Variants in VAMP4 observed in about 807,000 individuals in gnomAD.
VAMP4 encodes vesicle associated membrane protein 4, also known as vesicle-associated membrane protein 4.
Under a neutral mutation model 23.5 loss-of-function variants are expected in VAMP4, and 19 were observed. The observed-to-expected ratio is 0.81, with a 90% CI of 0.56 to 1.19. The LOEUF is 1.19. Ranked by LOEUF, VAMP4 falls within the 50% of genes most tolerant of loss-of-function variation. The pLI is 0.00. For missense variants in VAMP4, 145 were observed against 168.6 expected, an observed-to-expected ratio of 0.86 and a Z score of 0.78; for synonymous variants, 31 against 51.0, an observed-to-expected ratio of 0.61 and a Z score of 1.67.
Position 171,728,511 on chromosome 1 carries a change from A to G in VAMP4, c.113+13T>C. 6.6e-7 allele frequency: 1 copy of G among 1,524,328 alleles called. No homozygotes were observed. The highest frequency in any genetic ancestry group is 8.8e-7 in the Non-Finnish European group (1 of 1,135,364). 94.4% of individuals were successfully genotyped at this position (1,524,328 alleles called of 1,614,324 possible). ...TCAATTACACCCTAATAAAGCTGTA[A>G]AAAAAAACTTACAGAAAAAAGTCCT... On this transcript the variant is annotated intron_variant, in intron 3 of 7. Coordinates refer to ENST00000236192, the MANE Select transcript of VAMP4 (RefSeq NM_003762.5).
intron 3 of VAMP4, among the ~76,000 whole-genome samples, chr1:171,720,974 T>G (rs1195509534): frequency 1.3e-5 from 2 of 152,086 alleles, no homozygotes; most frequent in Admixed American, 1.3e-4. Flanking sequence ...GATGACCAAG[T>G]AGGGTTCATA....
chr1:171,740,329 T>C (rs1655886606), intron 1 of VAMP4, among the ~76,000 whole-genome samples: 1 of 152,220 alleles, frequency 6.6e-6, no homozygotes, highest in Non-Finnish European at 1.5e-5. Context: ...CACTTAGACC[T>C]TTAAATTAGG....
intron 2 of VAMP4, among the ~76,000 whole-genome samples, chr1:171,734,390 C>T (rs555440305): frequency 6.7e-4 from 101 of 151,752 alleles, no homozygotes; most frequent in African/African-American, 2.2e-3. Context: ...ATTCCATTTA[C>T]AGAAAACGTC....
rs562207158 is a variant in VAMP4, at chr1:171,702,930, C to A, written c.*1576G>T. 36 of 151,892 alleles carry A rather than the reference C, an allele frequency of 2.4e-4. No individual in the cohort carries two copies. Among genetic ancestry groups the A allele is most frequent in the African/African-American group, 7.9e-4 (33 of 41,510 alleles). The allele number at this position is 151,892 out of a possible 1,614,324, so 9.4% of individuals were successfully genotyped here. A position where few individuals can be genotyped will look rare whatever the true frequency, so the allele number is the denominator to read the frequency against. On this transcript the variant is annotated 3_prime_UTR_variant, in exon 8 of 8. Coordinates refer to ENST00000236192, the MANE Select transcript of VAMP4 (RefSeq NM_003762.5). ...TCTTGAGTGTCTCAGTCTGCTTTCT[C>A]TCTTCAAATTTTTTCCATTCTAAAC...
At chr1:171,721,368 T>C (rs1259712473) in intron 3 of VAMP4, among the ~76,000 whole-genome samples, 1 of 152,134 alleles carries the variant, frequency 6.6e-6, no homozygotes, top group Non-Finnish European at 1.5e-5. Context: ...AAACTGTCTT[T>C]ATTTGCAGAA....
chr1:171,707,904 T>C (rs575174261), intron 6 of VAMP4, among the ~76,000 whole-genome samples: 1 of 152,254 alleles, frequency 6.6e-6, no homozygotes, highest in South Asian at 2.1e-4. Context: ...TTTTTGTGGA[T>C]ACATGAATAG....
At chr1:171,730,711 T>G (rs554144169) in intron 2 of VAMP4, among the ~76,000 whole-genome samples, 97 of 134,046 alleles carry the variant, frequency 7.2e-4, no homozygotes, top group African/African-American at 2.4e-3. Context: ...GAGTAAAGTA[T>G]CTAAACTGTG....
intron 3 of VAMP4, among the ~76,000 whole-genome samples, chr1:171,727,677 A>T (rs1437573737): frequency 6.6e-6 from 1 of 152,238 alleles, no homozygotes; most frequent in Non-Finnish European, 1.5e-5. Flanking sequence ...TGTAAAAGCC[A>T]AAAAGTAGAA....
rs1341181111 is a variant in VAMP4 at position 171,704,412 on chromosome 1, T to C, written c.*94A>G. The C allele has an allele frequency of 1.4e-5, 15 of 1,092,948 alleles. 1 individual carries two copies. The highest frequency in any genetic ancestry group is 1.6e-5 in the African/African-American group (1 of 61,272). The allele number at this position is 1,092,948 out of a possible 1,614,324, so 67.7% of individuals were successfully genotyped here. A position where few individuals can be genotyped will look rare whatever the true frequency, so the allele number is the denominator to read the frequency against. ...CTCTTAGTTTCTTGAAAAAGAAGTT[T>C]TGAAAGTTATATACACATAGGTTTC... On this transcript the variant is annotated 3_prime_UTR_variant, in exon 8 of 8. Transcript: ENST00000236192.
At chr1:171,733,088 AT>A (rs566039856) in intron 2 of VAMP4, among the ~76,000 whole-genome samples, 11 of 152,232 alleles carry the variant, frequency 7.2e-5, no homozygotes, top group African/African-American at 1.9e-4. Flanking sequence ...GCATTAGGTC[AT>A]TTTTTAAATA....
At chr1:171,731,435 A>G (rs1655564098) in intron 2 of VAMP4, among the ~76,000 whole-genome samples, 1 of 148,744 alleles carries the variant, frequency 6.7e-6, no homozygotes, top group Admixed American at 6.6e-5. Context: ...TAAAAAAAAC[A>G]GGATTGCAAC....
At chr1:171,728,640 G>A in intron 2 of VAMP4, 70 bp from the exon 3 acceptor site, 1 of 1,443,956 alleles carries the variant, frequency 6.9e-7, no homozygotes, top group Non-Finnish European at 9.3e-7. Context: ...GAGGAGTAAT[G>A]AAATAAGTCC....
intron 6 of VAMP4, among the ~76,000 whole-genome samples, chr1:171,706,993 G>T (rs1053652402): frequency 6.6e-6 from 1 of 152,132 alleles, no homozygotes; most frequent in Non-Finnish European, 1.5e-5. Context: ...TACTTAAGAA[G>T]ATTTGAATGA....
chr1:171,720,391 C>T (rs1655153110), intron 3 of VAMP4, among the ~76,000 whole-genome samples: 3 of 151,910 alleles, frequency 2.0e-5, no homozygotes, highest in African/African-American at 7.2e-5. Context: ...ATGTCTGTTT[C>T]ATCTATCAAG....
chr1:171,704,341 A>G lies in VAMP4; in HGVS notation c.*165T>C. 1 of 426,852 alleles carries G rather than the reference A, an allele frequency of 2.3e-6. No individual in the cohort carries two copies. Among genetic ancestry groups the G allele is most frequent in the Non-Finnish European group, 4.2e-6 (1 of 238,320 alleles). 26.4% of individuals were successfully genotyped at this position (426,852 alleles called of 1,614,324 possible). A position where few individuals can be genotyped will look rare whatever the true frequency, so the allele number is the denominator to read the frequency against. The stretch of plus-strand genomic sequence containing the variant: ...AAAGAACATTTTGTTAGAAAGGGAG[A>G]AGATAATTGGACATTCTCAACGTTC... On this transcript the variant is annotated 3_prime_UTR_variant, in exon 8 of 8. Transcript: ENST00000236192.
chr1:171,733,414 C>A (rs1031401515), intron 2 of VAMP4, among the ~76,000 whole-genome samples: 1 of 151,670 alleles, frequency 6.6e-6, no homozygotes, highest in Non-Finnish European at 1.5e-5. Context: ...GAACCCTGAT[C>A]GTGCCACTGC....
chr1:171,706,780 T>C lies in VAMP4; in HGVS notation c.346-362A>G, dbSNP rs143092121. ...ATCATATCTTGACACTTGAACAGAG[T>C]TGCTAAAATACTGTACATTTTCTCT... On this transcript the variant is annotated intron_variant, in intron 6 of 7. Coordinates refer to ENST00000236192, the MANE Select transcript of VAMP4 (RefSeq NM_003762.5). 5.2e-3 allele frequency among the ~76,000 whole-genome samples: 788 copies of C among 152,274 alleles called. 6 individuals are homozygous for C. The highest frequency in any genetic ancestry group is 0.018 in the African/African-American group (749 of 41,574).
intron 3 of VAMP4, among the ~76,000 whole-genome samples, chr1:171,723,224 C>G (rs536768408): frequency 5.9e-5 from 9 of 152,276 alleles, no homozygotes; most frequent in African/African-American, 2.2e-4. Context: ...CAAGATCACA[C>G]GACTGGGGCA....
chr1:171,717,127 C>T (rs1655044581), intron 4 of VAMP4, among the ~76,000 whole-genome samples: 1 of 152,122 alleles, frequency 6.6e-6, no homozygotes, highest in Non-Finnish European at 1.5e-5. Context: ...ACTCAAAAGA[C>T]CCCAATCGGC....
Sources: gnomAD v4.1 joint callset for allele counts (sites outside exome capture counted in the v4.1 genomes callset) on GRCh38, gnomAD v4.1.1 for gene constraint, MANE v1.5 for transcripts, NCBI Gene and HGNC (gene_info 2026-07-23, HGNC 2026-07-21) for gene names.